MYLK: variants seen among roughly 807,000 people sequenced by gnomAD.
MYLK encodes myosin light chain kinase.
Under a neutral mutation model 203.4 loss-of-function variants are expected in MYLK, and 106 were observed. The observed-to-expected ratio is 0.52, with a 90% CI of 0.45 to 0.61. MYLK has a LOEUF of 0.61. Ranked by LOEUF, MYLK falls within the 20% of genes least tolerant of loss-of-function variation. The probability of loss-of-function intolerance (pLI) is 0.00; values close to 1 mark genes in which losing one functional copy is unlikely to be tolerated. For missense variants in MYLK, 2,072 were observed against 2,442.3 expected (o/e 0.85, Z 3.20); for synonymous variants, 867 against 959.5 (o/e 0.90, Z 1.78).
intron 3 of MYLK, among the ~76,000 whole-genome samples, chr3:123,829,123 C>T (rs910771139): frequency 6.6e-6 from 1 of 152,078 alleles, no homozygotes; most frequent in Non-Finnish European, 1.5e-5. Context: ...AGGAAATCAT[C>T]GAAGAGACGT....
At chr3:123,677,249 T>C (rs1204384294) in intron 20 of MYLK, among the ~76,000 whole-genome samples, 1 of 152,226 alleles carries the variant, frequency 6.6e-6, no homozygotes, top group Non-Finnish European at 1.5e-5. Flanking sequence ...CTGATGCTGA[T>C]GTCAGAGTTG....
At chr3:123,726,183 G>A in intron 11 of MYLK, 105 bp from the exon 12 acceptor site, 1 of 1,465,982 alleles carries the variant, frequency 6.8e-7, no homozygotes, top group South Asian at 1.2e-5. Context: ...CTGGACACCT[G>A]GGTACCCTCG....
chr3:123,750,934 C>T (rs1275184763), intron 5 of MYLK, among the ~76,000 whole-genome samples: 2 of 152,212 alleles, frequency 1.3e-5, no homozygotes, highest in African/African-American at 4.8e-5. Context: ...ACTATGCATG[C>T]TCCACTCTGT....
chr3:123,876,194 T>A (rs2700407), intron 2 of MYLK, among the ~76,000 whole-genome samples: 6,617 of 151,292 alleles, frequency 0.044, 467 homozygotes, highest in African/African-American at 0.15. Context: ...ATTTTTTTTT[T>A]AAAAAAACTA....
At chr3:123,851,580 T>C (rs1290831771) in intron 2 of MYLK, among the ~76,000 whole-genome samples, 1 of 152,216 alleles carries the variant, frequency 6.6e-6, no homozygotes. Context: ...CTTGTGATTT[T>C]TGCACATTGA....
intron 23 of MYLK, among the ~76,000 whole-genome samples, chr3:123,663,881 G>C (rs377442460): frequency 4.3e-4 from 65 of 152,302 alleles, no homozygotes; most frequent in African/African-American, 1.6e-3. Context: ...ACAGGGAAAA[G>C]GATTTCTGCC....
At chr3:123,651,803 G>C (rs934139427) in intron 24 of MYLK, among the ~76,000 whole-genome samples, 6 of 152,212 alleles carry the variant, frequency 3.9e-5, no homozygotes, top group African/African-American at 1.2e-4. Flanking sequence ...CCACATCCAT[G>C]CCTCACCTTC....
chr3:123,692,054 G>GA (rs1490124183), intron 19 of MYLK, among the ~76,000 whole-genome samples: 2 of 152,126 alleles, frequency 1.3e-5, no homozygotes, highest in Admixed American at 6.5e-5. Context: ...AGGAAGGAGA[G>GA]AAAAAAGAGT....
intron 19 of MYLK, among the ~76,000 whole-genome samples, chr3:123,683,721 G>A (rs1337432034): frequency 6.6e-6 from 1 of 152,178 alleles, no homozygotes; most frequent in African/African-American, 2.4e-5. Context: ...TCCGGGGGCT[G>A]TGGGGGCAAT....
intron 16 of MYLK, among the ~76,000 whole-genome samples, chr3:123,702,225 C>T (rs567051201): frequency 6.6e-6 from 1 of 152,264 alleles, no homozygotes; most frequent in East Asian, 1.9e-4. Context: ...GGATTTGCAG[C>T]AGATTGTCCC....
intron 1 of MYLK, among the ~76,000 whole-genome samples, chr3:123,883,450 AAT>A (rs1416936465): frequency 1.3e-5 from 2 of 152,210 alleles, no homozygotes; most frequent in Non-Finnish European, 2.9e-5. Context: ...ATCTAAAAAA[AAT>A]ATATATCCTT....
intron 27 of MYLK, among the ~76,000 whole-genome samples, chr3:123,641,740 T>TCCTC (rs1237776852): frequency 6.7e-6 from 1 of 148,962 alleles, no homozygotes; most frequent in African/African-American, 2.5e-5. Context: ...CTGCCTGCCT[T>TCCTC]CCTCCCTCCG....
At chr3:123,638,013 C>T in intron 29 of MYLK, 58 bp downstream of exon 29, 1 of 1,610,884 alleles carries the variant, frequency 6.2e-7, no homozygotes, top group Non-Finnish European at 8.5e-7. Flanking sequence ...GAACCCTCAG[C>T]CCCCACCCAC....
chr3:123,804,336 G>A lies in MYLK; in HGVS notation c.-3-10492C>T, dbSNP rs77999556. Among the ~76,000 whole-genome samples the A allele has an allele frequency of 9.8e-3, 1,499 of 152,220 alleles. 31 individuals are homozygous for A. The highest frequency in any genetic ancestry group is 0.034 in the African/African-American group (1,411 of 41,530). On this transcript the variant is annotated intron_variant, in intron 3 of 33. Coordinates refer to ENST00000360304, the MANE Select transcript of MYLK (RefSeq NM_053025.4). ...GTGCTATTGGTGCTGTAGGGTCACA[G>A]GACTGAGAGGAGACCCAGAAAGGAG...
chr3:123,874,569 C>T (rs1029016359), intron 2 of MYLK, among the ~76,000 whole-genome samples: 1 of 152,066 alleles, frequency 6.6e-6, no homozygotes, highest in Non-Finnish European at 1.5e-5. Context: ...AATGACTCCA[C>T]ATTAGGTTAG....
chr3:123,843,475 A>G (rs2066642381), intron 2 of MYLK, among the ~76,000 whole-genome samples: 2 of 152,244 alleles, frequency 1.3e-5, no homozygotes, highest in South Asian at 4.1e-4. Flanking sequence ...CTTCAAACAG[A>G]TTCATGTTCT....
At chr3:123,630,458 C>T (rs150477191) in intron 29 of MYLK, 11 of 152,262 alleles carry the variant, frequency 7.2e-5, no homozygotes, top group African/African-American at 2.2e-4. Flanking sequence ...TTAACACTGC[C>T]CTATGATGCA....
At chr3:123,822,491 T>C (rs2065971088) in intron 3 of MYLK, among the ~76,000 whole-genome samples, 1 of 152,182 alleles carries the variant, frequency 6.6e-6, no homozygotes, top group South Asian at 2.1e-4. Context: ...GAGGGACTCC[T>C]CCATCCTTCT....
intron 3 of MYLK, among the ~76,000 whole-genome samples, chr3:123,824,473 C>T (rs1434358716): frequency 1.3e-5 from 2 of 152,158 alleles, no homozygotes; most frequent in African/African-American, 2.4e-5. Flanking sequence ...AGGGACTTTG[C>T]CTCACTCCTC....
Sources: allele counts gnomAD v4.1 joint callset (sites outside exome capture counted in the v4.1 genomes callset), GRCh38; gene constraint gnomAD v4.1.1; transcripts MANE v1.5; gene names NCBI Gene and HGNC (gene_info 2026-07-23, HGNC 2026-07-21).